Variants in CDK14 observed in about 807,000 individuals in gnomAD.
CDK14 encodes cyclin-dependent kinase 14.
Under a neutral mutation model 60.7 loss-of-function variants are expected in CDK14, and 34 were observed. The observed-to-expected ratio is 0.56, with a 90% CI of 0.43 to 0.75. CDK14 has a LOEUF of 0.75. Ranked by LOEUF, CDK14 falls within the 30% of genes least tolerant of loss-of-function variation. The probability of loss-of-function intolerance (pLI) is 0.00; values close to 1 mark genes in which losing one functional copy is unlikely to be tolerated. For missense variants in CDK14, 482 were observed against 564.1 expected, an observed-to-expected ratio of 0.85 and a Z score of 1.47; for synonymous variants, 197 against 203.7, an observed-to-expected ratio of 0.97 and a Z score of 0.28.
intron 4 of CDK14, among the ~76,000 whole-genome samples, chr7:90,784,590 T>G (rs965726841): frequency 4.6e-5 from 7 of 152,198 alleles, no homozygotes; most frequent in African/African-American, 1.7e-4. Context: ...TAAGACAAAC[T>G]AGTTTTAGTC....
At chr7:91,019,855 A>C (rs1796391831) in intron 10 of CDK14, among the ~76,000 whole-genome samples, 1 of 152,160 alleles carries the variant, frequency 6.6e-6, no homozygotes, top group African/African-American at 2.4e-5. Flanking sequence ...GCAGAACAGA[A>C]ATCCAAAGAA....
chr7:90,807,544 T>A (rs184079254), intron 5 of CDK14, among the ~76,000 whole-genome samples: 2,798 of 152,206 alleles, frequency 0.018, 39 homozygotes, highest in Non-Finnish European at 0.025. Flanking sequence ...CTGGAAACTC[T>A]AAAAATCCGA....
chr7:91,083,085 A>G (rs1798527387), intron 12 of CDK14, among the ~76,000 whole-genome samples: 1 of 152,090 alleles, frequency 6.6e-6, no homozygotes, highest in South Asian at 2.1e-4. Context: ...GAGTTCTTAA[A>G]TCATCTTTCC....
chr7:91,041,006 T>A lies in CDK14; in HGVS notation c.1042-4891T>A, dbSNP rs185593014. On this transcript the variant is annotated intron_variant, in intron 10 of 14. Transcript: ENST00000380050. ...AGTAGATATTTTCACAGCGAGGCCC[T>A]CTTTTTCTCAGTATCTTCTCTGCCC... is the stretch of plus-strand genomic sequence containing the variant. 1.6e-4 allele frequency among the ~76,000 whole-genome samples: 24 copies of A among 152,330 alleles called. No individual in the cohort carries two copies. The East Asian group carries it at 4.4e-3, about 28-fold the overall frequency.
chr7:90,604,065 T>C (rs1372385361), intron 1 of CDK14, among the ~76,000 whole-genome samples, 153 bp from the exon 2 acceptor site: 5 of 152,230 alleles, frequency 3.3e-5, no homozygotes, highest in African/African-American at 1.2e-4. Context: ...GCAGTTTTCA[T>C]ATTTGTATCA....
Position 90,596,666 on chromosome 7 carries a change from C to G in CDK14, c.39C>G (p.Ile13Met). ...DLIEPQPAEK[I>M]GKMKKLRRTL... is the part of the protein sequence containing the mutation. ...TTGAGCCGCAGCCGGCCGAGAAGATCGGCAAGATGAAGAAGTTGCGGAGAA... is the reference window on the plus strand; with the variant it reads ...TTGAGCCGCAGCCGGCCGAGAAGATGGGCAAGATGAAGAAGTTGCGGAGAA... Residue 13 changes from isoleucine (I) to methionine (M), a missense_variant, in exon 1 of 15, where the codon ATC becomes ATG. Transcript: ENST00000380050. The G allele has an allele frequency of 6.2e-7, 1 of 1,612,200 alleles. No homozygotes were observed. The highest frequency in any genetic ancestry group is 2.2e-5 in the East Asian group (1 of 44,828).
At chr7:90,933,216 A>G (rs371416711) in intron 8 of CDK14, among the ~76,000 whole-genome samples, 16 of 151,248 alleles carry the variant, frequency 1.1e-4, no homozygotes, top group African/African-American at 3.6e-4. Flanking sequence ...GGAGGTCGAG[A>G]CTGCAGTGAG....
chr7:91,047,688 A>G (rs1797277693), intron 11 of CDK14, among the ~76,000 whole-genome samples: 1 of 152,226 alleles, frequency 6.6e-6, no homozygotes, highest in African/African-American at 2.4e-5. Flanking sequence ...AAAGTAACAT[A>G]TGAAGATGGT....
chr7:90,681,237 A>C (rs937766001), intron 2 of CDK14, among the ~76,000 whole-genome samples: 1 of 152,176 alleles, frequency 6.6e-6, no homozygotes, highest in African/African-American at 2.4e-5. Flanking sequence ...TTGTTGGTCT[A>C]TTGGAAAACA....
intron 2 of CDK14, among the ~76,000 whole-genome samples, chr7:90,611,785 A>C (rs1344132136): frequency 6.9e-6 from 1 of 145,966 alleles, no homozygotes; most frequent in Non-Finnish European, 1.5e-5. Context: ...TTCACGATCT[A>C]TCTCTTTCGT....
At chr7:91,172,798 C>T (rs186847985) in intron 14 of CDK14, among the ~76,000 whole-genome samples, 67 of 152,260 alleles carry the variant, frequency 4.4e-4, no homozygotes, top group Non-Finnish European at 7.9e-4. Context: ...TTCACTTCTC[C>T]AGGAAGAGGT....
At chr7:91,120,177 G>A (rs576628082) in intron 14 of CDK14, among the ~76,000 whole-genome samples, 1 of 152,318 alleles carries the variant, frequency 6.6e-6, no homozygotes, top group South Asian at 2.1e-4. Context: ...GCAAGGCTGT[G>A]TTCCTCTTCT....
intron 14 of CDK14, among the ~76,000 whole-genome samples, chr7:91,172,686 C>A (rs766544): frequency 0.35 from 53,579 of 151,952 alleles, 9,694 homozygotes; most frequent in African/African-American, 0.41. Flanking sequence ...GCTTGGGGTA[C>A]AGAACATGCC....
At chr7:90,729,307 C>A (rs1584829058) in intron 3 of CDK14, among the ~76,000 whole-genome samples, 1 of 110,852 alleles carries the variant, frequency 9.0e-6, no homozygotes, top group African/African-American at 3.5e-5. Flanking sequence ...TGACTTATTT[C>A]TTACTGGCTT....
chr7:91,059,928 G>C lies in CDK14; in HGVS notation c.1105+13968G>C, dbSNP rs1480975851. 7.2e-5 allele frequency among the ~76,000 whole-genome samples: 11 copies of C among 152,300 alleles called. No individual in the cohort carries two copies. In the South Asian group the frequency reaches 1.7e-3, roughly 23 times the overall value. ...TGTAGATGTCTATTAGGTCTGCTTG[G>C]TGCAGAGCTGAGTTCAATTCCTGGG... is the stretch of plus-strand genomic sequence containing the variant. On this transcript the variant is annotated intron_variant, in intron 11 of 14. Coordinates refer to ENST00000380050, the MANE Select transcript of CDK14 (RefSeq NM_001287135.2).
intron 11 of CDK14, among the ~76,000 whole-genome samples, chr7:91,076,307 G>C (rs1798315279): frequency 1.2e-5 from 1 of 83,542 alleles, no homozygotes; most frequent in Admixed American, 1.4e-4. Context: ...CAGACATACA[G>C]ACCAATGGAA....
chr7:90,711,212 G>A (rs1302835886), intron 2 of CDK14, among the ~76,000 whole-genome samples: 2 of 151,866 alleles, frequency 1.3e-5, no homozygotes, highest in Non-Finnish European at 2.9e-5. Flanking sequence ...GAGAAATATG[G>A]GTAACTGTTG....
chr7:90,651,888 C>G (rs987798522), intron 2 of CDK14, among the ~76,000 whole-genome samples: 1 of 152,090 alleles, frequency 6.6e-6, no homozygotes, highest in Non-Finnish European at 1.5e-5. Context: ...TTGGTTCAGT[C>G]TGTTTAATAC....
intron 11 of CDK14, among the ~76,000 whole-genome samples, chr7:91,058,283 T>C (rs1418053138): frequency 5.9e-5 from 9 of 152,140 alleles, no homozygotes; most frequent in African/African-American, 2.2e-4. Context: ...CTGAAGTTGC[T>C]TATCAGCTTA....
Sources: allele counts gnomAD v4.1 joint callset (sites outside exome capture counted in the v4.1 genomes callset), GRCh38; gene constraint gnomAD v4.1.1; transcripts MANE v1.5; gene names NCBI Gene and HGNC (gene_info 2026-07-23, HGNC 2026-07-21).